The following ALCAM variants were observed in gnomAD, a reference collection of about 807,000 sequenced individuals.
ALCAM encodes the protein CD166 antigen.
Under a neutral mutation model 70.9 loss-of-function variants are expected in ALCAM, and 30 were observed. The ratio of observed to expected loss-of-function variants is 0.42; its 90% confidence interval spans 0.32 to 0.57. The LOEUF is 0.57. Among genes scored for constraint, ALCAM ranks in the 20% least tolerant of loss-of-function variants. The probability of loss-of-function intolerance (pLI) is 0.11; values close to 1 mark genes in which losing one functional copy is unlikely to be tolerated. For missense variants in ALCAM, 591 were observed against 695.1 expected, an observed-to-expected ratio of 0.85 and a Z score of 1.68; for synonymous variants, 249 against 242.5, an observed-to-expected ratio of 1.03 and a Z score of -0.25.
At chr3:105,464,159 T>C (rs1027162753) in intron 1 of ALCAM, among the ~76,000 whole-genome samples, 2 of 151,354 alleles carry the variant, frequency 1.3e-5, no homozygotes, top group East Asian at 1.9e-4. Context: ...TATTATTAGA[T>C]AGTATTGGTA....
chr3:105,548,207 A>AC (rs1384187086), intron 11 of ALCAM, among the ~76,000 whole-genome samples: 1 of 151,258 alleles, frequency 6.6e-6, no homozygotes, highest in Admixed American at 6.6e-5. Flanking sequence ...TAAGTCTTTG[A>AC]CCCTCCCCTT....
intron 14 of ALCAM, among the ~76,000 whole-genome samples, chr3:105,559,678 C>A (rs112216099): frequency 2.0e-5 from 3 of 152,168 alleles, no homozygotes; most frequent in African/African-American, 7.2e-5. Context: ...AAGAGCATTA[C>A]ATCACCCCCA....
rs1293862654 is a variant in ALCAM at position 105,552,544 on chromosome 3, T to G, written c.1623T>G (p.Leu541=). 6.2e-7 allele frequency: 1 copy of G among 1,611,706 alleles called. No homozygotes were observed. The highest frequency in any genetic ancestry group is 8.5e-7 in the Non-Finnish European group (1 of 1,178,314). ...GIVVGLLLAA[L]VAGVVYWLYM... ...TTGTTGGTCTCCTCCTTGCTGCCCT[T>G]GTTGCTGGTGTCGTCTACTGGCTGT... The change falls in exon 14 of 16, where the codon CTT becomes CTG. Residue 541 remains leucine, a synonymous_variant. Coordinates refer to ENST00000306107, the MANE Select transcript of ALCAM (RefSeq NM_001627.4).
At chr3:105,398,158 T>A (rs527374447) in intron 1 of ALCAM, among the ~76,000 whole-genome samples, 1 of 152,210 alleles carries the variant, frequency 6.6e-6, no homozygotes, top group South Asian at 2.1e-4. Flanking sequence ...AGGTCCCATA[T>A]GTTGCTGATG....
intron 1 of ALCAM, among the ~76,000 whole-genome samples, chr3:105,461,890 A>G (rs890828578): frequency 4.0e-5 from 6 of 151,820 alleles, no homozygotes; most frequent in East Asian, 1.9e-4. Flanking sequence ...TTAATGCTGT[A>G]TACATGCTTT....
Position 105,520,274 on chromosome 3 carries a change from C to T in ALCAM, c.174+107C>T, listed in dbSNP as rs528733256. 63 of 771,938 alleles carry T rather than the reference C, an allele frequency of 8.2e-5. No homozygotes were observed. In the South Asian group the frequency reaches 1.0e-3, roughly 13 times the overall value. The allele number at this position is 771,938 out of a possible 1,614,324, so 47.8% of individuals were successfully genotyped here. A position where few individuals can be genotyped will look rare whatever the true frequency, so the allele number is the denominator to read the frequency against. On this transcript the variant is annotated intron_variant, in intron 2 of 15. Coordinates refer to ENST00000306107, the MANE Select transcript of ALCAM (RefSeq NM_001627.4). ...AAATTAACCTAAATGCAATATTAAA[C>T]TGTGAGTACAAATGTAGGAAGGTAA...
At chr3:105,418,439 G>A (rs1350948764) in intron 1 of ALCAM, among the ~76,000 whole-genome samples, 1 of 151,500 alleles carries the variant, frequency 6.6e-6, no homozygotes, top group East Asian at 1.9e-4. Flanking sequence ...ATTTCTTCCT[G>A]AATCTGAGAT....
chr3:105,406,732 CA>C (rs1365888661), intron 1 of ALCAM, among the ~76,000 whole-genome samples: 1 of 146,906 alleles, frequency 6.8e-6, no homozygotes, highest in Non-Finnish European at 1.5e-5. Context: ...ACAACAACAA[CA>C]AAAAACAATA....
At chr3:105,469,456 A>G (rs936905399) in intron 1 of ALCAM, among the ~76,000 whole-genome samples, 2 of 151,122 alleles carry the variant, frequency 1.3e-5, no homozygotes, top group Admixed American at 1.3e-4. Context: ...GACACCATGA[A>G]CATTATTTAT....
At chr3:105,410,973 C>T (rs1261954288) in intron 1 of ALCAM, among the ~76,000 whole-genome samples, 1 of 152,002 alleles carries the variant, frequency 6.6e-6, no homozygotes, top group Non-Finnish European at 1.5e-5. Flanking sequence ...CTAGAATTTT[C>T]TATACTTGTG....
At chr3:105,377,298 A>G (rs1334290028) in intron 1 of ALCAM, among the ~76,000 whole-genome samples, 1 of 152,128 alleles carries the variant, frequency 6.6e-6, no homozygotes, top group Non-Finnish European at 1.5e-5. Flanking sequence ...TAGAGCAGTG[A>G]ACATCCTAAT....
In ALCAM at chr3:105,545,247, G is replaced by A. The variant is rs1251273719; in HGVS notation, c.1016G>A (p.Ser339Asn). Residue 339 changes from serine to asparagine, a missense_variant, in exon 9 of 16, where the codon AGT (serine) becomes AAT (asparagine). Coordinates refer to ENST00000306107, the MANE Select transcript of ALCAM (RefSeq NM_001627.4). ...GATTTGGATTTGTCCTTAAACCCAA[G>A]TGGAGAAGTGACTAGACAGATTGGT... ...VHYLDLSLNP[S>N]GEVTRQIGDA... 12 of 1,608,646 alleles carry A rather than the reference G, an allele frequency of 7.5e-6. No individual in the cohort carries two copies. Among genetic ancestry groups the A allele is most frequent in the Admixed American group, 1.7e-5 (1 of 59,744 alleles).
chr3:105,488,872 G>A (rs1938505001), intron 1 of ALCAM, among the ~76,000 whole-genome samples: 1 of 152,124 alleles, frequency 6.6e-6, no homozygotes, highest in South Asian at 2.1e-4. Context: ...ATTCTCTTCT[G>A]CAAAATGCAA....
chr3:105,569,575 G>T (rs78762558), intron 14 of ALCAM, among the ~76,000 whole-genome samples: 1,581 of 152,106 alleles, frequency 0.01, 19 homozygotes, highest in Middle Eastern at 0.027. Flanking sequence ...ACTTCATATT[G>T]GTGAACACTA....
intron 1 of ALCAM, among the ~76,000 whole-genome samples, chr3:105,442,391 A>G (rs1937191668): frequency 6.6e-6 from 1 of 152,216 alleles, no homozygotes; most frequent in Non-Finnish European, 1.5e-5. Context: ...AATATTTAAA[A>G]TACATTTTCA....
intron 1 of ALCAM, among the ~76,000 whole-genome samples, chr3:105,425,449 C>T (rs902738307): frequency 1.6e-4 from 25 of 151,756 alleles, no homozygotes; most frequent in Non-Finnish European, 1.5e-5. Context: ...TTTGCCTTTG[C>T]TACACACTTC....
intron 2 of ALCAM, 109 bp from the exon 3 acceptor site, chr3:105,524,179 CA>C: frequency 1.1e-6 from 1 of 927,400 alleles, no homozygotes; most frequent in Non-Finnish European, 1.6e-6. Flanking sequence ...TCTTCGTAGA[CA>C]AAAAATATAG....
At chr3:105,543,673 A>G (rs754099645) in intron 8 of ALCAM, among the ~76,000 whole-genome samples, 6 of 151,598 alleles carry the variant, frequency 4.0e-5, no homozygotes, top group Non-Finnish European at 5.9e-5. Flanking sequence ...CTGCCAATAT[A>G]TGCACACATA....
chr3:105,393,867 T>C lies in ALCAM; in HGVS notation c.73+26386T>C, dbSNP rs1935883937. Among the ~76,000 whole-genome samples the C allele has an allele frequency of 2.0e-5, 3 of 151,420 alleles. No homozygotes were observed. The Admixed American group carries it at 2.0e-4, about 10-fold the overall frequency. ...CAAATAAATACAAAAAGCCCTATTA[T>C]TTATTTCCATGAAGATACATGTAAG... is the stretch of plus-strand genomic sequence containing the variant. On this transcript the variant is annotated intron_variant, in intron 1 of 15. Coordinates refer to ENST00000306107, the MANE Select transcript of ALCAM (RefSeq NM_001627.4).
Sources: gnomAD v4.1 joint callset for allele counts (sites outside exome capture counted in the v4.1 genomes callset) on GRCh38, gnomAD v4.1.1 for gene constraint, MANE v1.5 for transcripts, NCBI Gene and HGNC (gene_info 2026-07-23, HGNC 2026-07-21) for gene names.